Variants in SGCD observed in about 807,000 individuals in gnomAD.
SGCD encodes delta-sarcoglycan.
A neutral mutation model predicts 36.6 loss-of-function variants in SGCD; 18 were observed. That is an observed-to-expected ratio of 0.49 (90% confidence interval 0.34 to 0.73). The LOEUF is 0.73. Ranked by LOEUF, SGCD falls within the 30% of genes least tolerant of loss-of-function variation. The probability of loss-of-function intolerance (pLI) is 0.01; values close to 1 mark genes in which losing one functional copy is unlikely to be tolerated. For missense variants in SGCD, 387 were observed against 346.7 expected (o/e 1.12, Z -0.92); for synonymous variants, 133 against 130.6 (o/e 1.02, Z -0.12).
chr5:156,446,263 G>T (rs1300981779), intron 3 of SGCD, among the ~76,000 whole-genome samples: 2 of 152,162 alleles, frequency 1.3e-5, no homozygotes, highest in African/African-American at 4.8e-5. Flanking sequence ...ACACAGAAAA[G>T]TGAAGTCTAT....
At chr5:156,551,046 C>A (rs1758772662) in intron 4 of SGCD, among the ~76,000 whole-genome samples, 1 of 152,098 alleles carries the variant, frequency 6.6e-6, no homozygotes, top group Non-Finnish European at 1.5e-5. Flanking sequence ...CAACAGGATC[C>A]TCCCCTGTAT....
At chr5:156,143,991 GT>G (rs912644033) in intron 3 of SGCD, among the ~76,000 whole-genome samples, 22 of 143,734 alleles carry the variant, frequency 1.5e-4, no homozygotes, top group Admixed American at 5.1e-4. Flanking sequence ...TGTGGTGTTT[GT>G]TTTTTTTTCC....
intron 4 of SGCD, among the ~76,000 whole-genome samples, chr5:156,536,477 G>A (rs1365661963): frequency 6.6e-6 from 1 of 152,174 alleles, no homozygotes; most frequent in African/African-American, 2.4e-5. Context: ...TCATTGCTTG[G>A]CACTCAATAA....
chr5:156,340,593 G>T (rs945676719), intron 2 of SGCD, among the ~76,000 whole-genome samples: 2 of 152,200 alleles, frequency 1.3e-5, no homozygotes, highest in African/African-American at 4.8e-5. Flanking sequence ...GCTAACACGA[G>T]GGGAAGTCAG....
intron 3 of SGCD, among the ~76,000 whole-genome samples, chr5:156,479,289 TTTCAACATGTTGGCCAGGCTGGTC>T (rs1203805674): frequency 3.3e-5 from 5 of 151,500 alleles, no homozygotes; most frequent in Non-Finnish European, 1.5e-5. Context: ...AGAGACGGGG[TTTCAACATGTTGGCCAGGCTGGTC>T]TTGAACTCCT....
Position 156,300,665 on chromosome 5 carries a change from A to G in SGCD, c.-43-28869A>G, listed in dbSNP as rs188268738. On this transcript the variant is annotated intron_variant, in intron 3 of 9. Transcript: ENST00000517913. ...TTCAGTTTAAGTCCAGAGTTTCTTT[A>G]CTTGATTTTATGTCTGGATGATCTC... 1.8e-3 allele frequency among the ~76,000 whole-genome samples: 267 copies of G among 152,082 alleles called. 2 individuals are homozygous for G. The highest frequency in any genetic ancestry group is 2.6e-3 in the Non-Finnish European group (177 of 67,880).
chr5:156,423,638 C>T lies in SGCD; in HGVS notation c.192+78961C>T, dbSNP rs544970201. Among the ~76,000 whole-genome samples the T allele has an allele frequency of 1.1e-4, 16 of 151,104 alleles. No individual in the cohort carries two copies. In the East Asian group the frequency reaches 1.9e-3, roughly 18 times the overall value. On this transcript the variant is annotated intron_variant, in intron 3 of 8. Coordinates refer to ENST00000337851, the MANE Select transcript of SGCD (RefSeq NM_000337.6). ...TAACATATGCCCAAAGAATGTTAAA[C>T]GGAAGGAGGGAGGGCAGCCTCTCAA...
chr5:155,786,950 T>C, the SGCD span, among the ~76,000 whole-genome samples: 3 of 152,170 alleles, frequency 2.0e-5, no homozygotes, highest in African/African-American at 7.2e-5. Context: ...GCTGCCTTAA[T>C]TTGTGCAGAT....
At chr5:155,942,564 T>G (rs1391715319) in intron 1 of SGCD, among the ~76,000 whole-genome samples, 2 of 152,106 alleles carry the variant, frequency 1.3e-5, no homozygotes, top group Non-Finnish European at 2.9e-5. Flanking sequence ...CCCTAAACTA[T>G]GCAAGTATGA....
chr5:156,602,286 G>A lies in SGCD; in HGVS notation c.502+7235G>A, dbSNP rs1382695226. 4.6e-5 allele frequency among the ~76,000 whole-genome samples: 7 copies of A among 150,556 alleles called. No individual in the cohort carries two copies. The South Asian group carries it at 6.2e-4, about 13-fold the overall frequency. ...ATAGAAATGCTACTGATTTGTATAC[G>A]TCCATTTGATGTCCCACAACTGATT... On this transcript the variant is annotated intron_variant, in intron 6 of 8. Coordinates refer to ENST00000337851, the MANE Select transcript of SGCD (RefSeq NM_000337.6).
At chr5:156,352,158 A>G (rs7447475) in intron 3 of SGCD, among the ~76,000 whole-genome samples, 84,871 of 152,080 alleles carry the variant, frequency 0.56, 23,964 homozygotes, top group East Asian at 0.84. Flanking sequence ...TGTAGTATTG[A>G]TCATGTAGAC....
At chr5:155,823,008 A>ATC in the SGCD span, among the ~76,000 whole-genome samples, 10 of 151,568 alleles carry the variant, frequency 6.6e-5, no homozygotes, top group South Asian at 2.1e-4. Context: ...CTCTGTCTGT[A>ATC]TCTCTCTCTC....
chr5:155,915,946 G>T (rs1326679545), intron 1 of SGCD, among the ~76,000 whole-genome samples: 1 of 152,156 alleles, frequency 6.6e-6, no homozygotes, highest in Non-Finnish European at 1.5e-5. Context: ...AGAGAGAGGG[G>T]TAGCTTCCTT....
chr5:156,735,517 A>G (rs1255350902), intron 7 of SGCD, among the ~76,000 whole-genome samples: 4 of 152,152 alleles, frequency 2.6e-5, no homozygotes, highest in Admixed American at 1.3e-4. Flanking sequence ...TTAAAGAAAC[A>G]GTCTTGCTAT....
rs1237026957 is a variant in SGCD at position 156,749,312 on chromosome 5, T to C, written c.576-8269T>C. The stretch of plus-strand genomic sequence containing the variant: ...CCTTTGGGATGCCGTCAAAGAAAAA[T>C]TCATAACTTAAATGCATATATTAAA... On this transcript the variant is annotated intron_variant, in intron 7 of 8. Transcript: ENST00000337851. Among the ~76,000 whole-genome samples the C allele has an allele frequency of 2.0e-5, 3 of 151,912 alleles. No homozygotes were observed. In the South Asian group the frequency reaches 6.2e-4, roughly 32 times the overall value.
At chr5:156,029,837 G>T (rs1759304621) in intron 1 of SGCD, among the ~76,000 whole-genome samples, 1 of 151,642 alleles carries the variant, frequency 6.6e-6, no homozygotes, top group Non-Finnish European at 1.5e-5. Flanking sequence ...AATTTGTATT[G>T]ACAATATTTC....
intron 1 of SGCD, among the ~76,000 whole-genome samples, chr5:156,115,325 C>T (rs1424508802): frequency 6.6e-6 from 1 of 151,930 alleles, no homozygotes; most frequent in Non-Finnish European, 1.5e-5. Flanking sequence ...AAATAGTTAT[C>T]TTTTTATAAT....
At chr5:155,972,305 G>A (rs1413723176) in intron 1 of SGCD, among the ~76,000 whole-genome samples, 1 of 151,950 alleles carries the variant, frequency 6.6e-6, no homozygotes, top group Non-Finnish European at 1.5e-5. Flanking sequence ...TATTCTTTCA[G>A]GCATTTTTAA....
the SGCD span, among the ~76,000 whole-genome samples, chr5:155,828,024 G>A: frequency 2.0e-5 from 3 of 151,930 alleles, no homozygotes; most frequent in Admixed American, 2.0e-4. Context: ...CTGTTACTAA[G>A]AAAGAGAGAT....
Sources: allele counts gnomAD v4.1 joint callset (sites outside exome capture counted in the v4.1 genomes callset), GRCh38; gene constraint gnomAD v4.1.1; transcripts MANE v1.5; gene names NCBI Gene and HGNC (gene_info 2026-07-23, HGNC 2026-07-21).